PSD3: variants seen among roughly 807,000 people sequenced by gnomAD.
The protein encoded by PSD3 is pleckstrin and Sec7 domain containing 3.
PSD3 carries 49 observed loss-of-function variants against 105.5 expected under a neutral mutation model. The observed-to-expected ratio is 0.46, with a 90% CI of 0.37 to 0.59. The LOEUF is 0.59. Among genes scored for constraint, PSD3 ranks in the 20% least tolerant of loss-of-function variants. The pLI is 0.00. For synonymous variants in PSD3, 557 were observed against 457.8 expected, an observed-to-expected ratio of 1.22 and a Z score of -2.77; for missense variants, 1,561 against 1,263.8, an observed-to-expected ratio of 1.24 and a Z score of -3.57.
intron 14 of PSD3, among the ~76,000 whole-genome samples, chr8:18,563,619 A>G (rs2717722): frequency 0.99 from 151,479 of 152,316 alleles, 75,337 homozygotes; most frequent in Middle Eastern, 1. Flanking sequence ...TAAACACAGT[A>G]TTTAATGAGT....
chr8:18,613,233 T>G (rs1173543769), intron 11 of PSD3, among the ~76,000 whole-genome samples: 4 of 152,044 alleles, frequency 2.6e-5, no homozygotes, highest in Non-Finnish European at 5.9e-5. Context: ...AAAACCAGAC[T>G]GCCGGTCCGG....
At chr8:19,059,558 G>C (rs1267935545) in intron 1 of PSD3, among the ~76,000 whole-genome samples, 1 of 152,102 alleles carries the variant, frequency 6.6e-6, no homozygotes, top group South Asian at 2.1e-4. Flanking sequence ...TACTTTATTG[G>C]GTAACATCAG....
intron 1 of PSD3, among the ~76,000 whole-genome samples, chr8:18,941,425 AC>A (rs199864264): frequency 2.2e-5 from 3 of 139,344 alleles, no homozygotes; most frequent in South Asian, 2.3e-4. Flanking sequence ...ACACTTCACT[AC>A]GGGAGCAGTA....
At chr8:18,655,916 CAAT>C (rs1226805223) in intron 9 of PSD3, among the ~76,000 whole-genome samples, 4 of 152,158 alleles carry the variant, frequency 2.6e-5, no homozygotes, top group Non-Finnish European at 5.9e-5. Flanking sequence ...TGTCTTTTAT[CAAT>C]AAGGCACAGT....
intron 1 of PSD3, among the ~76,000 whole-genome samples, chr8:19,069,969 A>G (rs550653567): frequency 1.3e-5 from 2 of 149,390 alleles, no homozygotes; most frequent in African/African-American, 4.9e-5. Flanking sequence ...TTTTTGAGAC[A>G]GAGTCTTGCT....
rs189674643 is a variant in PSD3, at chr8:18,899,592, T to A, written c.131-26859A>T. On this transcript the variant is annotated intron_variant, in intron 2 of 15. Transcript: ENST00000327040. ...AGAAGCTGAATTAGAGATACTGTGT[T>A]TGGGGGCAAGCAGATGACTTCGATG... Among the ~76,000 whole-genome samples, 65 of 152,076 alleles carry A rather than the reference T, an allele frequency of 4.3e-4. No individual in the cohort carries two copies. The East Asian group carries it at 0.011, about 26-fold the overall frequency.
At chr8:18,616,640 T>TTTTTTTTTTTTTG (rs1805699359) in intron 11 of PSD3, among the ~76,000 whole-genome samples, 1 of 142,592 alleles carries the variant, frequency 7.0e-6, no homozygotes, top group Non-Finnish European at 1.5e-5. Flanking sequence ...TTTTTTTTTT[T>TTTTTTTTTTTTTG]TGAGACGGAG....
chr8:18,876,119 G>GTC, intron 2 of PSD3, among the ~76,000 whole-genome samples: 1 of 152,118 alleles, frequency 6.6e-6, no homozygotes, highest in East Asian at 1.9e-4. Context: ...GAGAGACAGG[G>GTC]TCTCTCTATG....
At chr8:18,594,193 T>TA (rs1165038056) in intron 12 of PSD3, among the ~76,000 whole-genome samples, 6 of 15,990 alleles carry the variant, frequency 3.8e-4, no homozygotes, top group African/African-American at 1.3e-3. Context: ...TATTATTATA[T>TA]ACATATTATA....
intron 1 of PSD3, among the ~76,000 whole-genome samples, chr8:18,978,025 G>A (rs1825038246): frequency 6.6e-6 from 1 of 152,204 alleles, no homozygotes; most frequent in Non-Finnish European, 1.5e-5. Flanking sequence ...ACGCTAGCAA[G>A]GAAAACAGCA....
At chr8:18,604,074 A>AT (rs1421767007) in intron 11 of PSD3, among the ~76,000 whole-genome samples, 24 of 152,196 alleles carry the variant, frequency 1.6e-4, no homozygotes, top group Non-Finnish European at 3.1e-4. Flanking sequence ...TGTGAAAGCT[A>AT]CTTTTGAACT....
At chr8:18,549,324 G>C (rs932616801) in intron 15 of PSD3, among the ~76,000 whole-genome samples, 2 of 152,024 alleles carry the variant, frequency 1.3e-5, no homozygotes, top group Non-Finnish European at 2.9e-5. Context: ...TGGGATTACA[G>C]GCATGTGCCA....
chr8:18,549,713 AT>A (rs1322091706), intron 15 of PSD3, among the ~76,000 whole-genome samples: 3 of 152,230 alleles, frequency 2.0e-5, no homozygotes, highest in African/African-American at 7.2e-5. Flanking sequence ...CTGCTAGAAA[AT>A]TTAAATTCAC....
At chr8:18,914,348 G>A (rs1820445671) in intron 2 of PSD3, among the ~76,000 whole-genome samples, 1 of 152,044 alleles carries the variant, frequency 6.6e-6, no homozygotes, top group Non-Finnish European at 1.5e-5. Context: ...TGTCAGCACA[G>A]TACTAGAACT....
At chr8:19,034,689 G>A (rs1827884828) in intron 1 of PSD3, among the ~76,000 whole-genome samples, 2 of 152,146 alleles carry the variant, frequency 1.3e-5, no homozygotes, top group African/African-American at 4.8e-5. Flanking sequence ...CTTGCAGAAG[G>A]GACAGAGTCT....
At chr8:18,846,063 T>G (rs1815067799) in intron 4 of PSD3, among the ~76,000 whole-genome samples, 1 of 152,176 alleles carries the variant, frequency 6.6e-6, no homozygotes, top group Non-Finnish European at 1.5e-5. Context: ...TAAATGCTTA[T>G]CAATTTGACT....
intron 1 of PSD3, among the ~76,000 whole-genome samples, chr8:19,041,539 A>T (rs1047053249): frequency 6.6e-6 from 1 of 152,248 alleles, no homozygotes; most frequent in Non-Finnish European, 1.5e-5. Context: ...CAAATAGTGC[A>T]AGCAAATGTT....
intron 12 of PSD3, among the ~76,000 whole-genome samples, chr8:18,584,021 G>C (rs771435466): frequency 6.6e-6 from 1 of 152,162 alleles, no homozygotes; most frequent in Non-Finnish European, 1.5e-5. Context: ...CATATTTTAA[G>C]TGTCAATCTG....
chr8:18,532,516 T>C lies in PSD3; in HGVS notation c.*3227A>G, dbSNP rs550058607. On this transcript the variant is annotated 3_prime_UTR_variant, in exon 16 of 16. Transcript: ENST00000327040. Reference sequence around the variant, plus strand: ...TTCTATCCTCTGCATCTAAGAGGAATAAAAAGGTTACACATAATCCAGGGA... The same window carrying C: ...TTCTATCCTCTGCATCTAAGAGGAACAAAAAGGTTACACATAATCCAGGGA... 6.6e-6 allele frequency: 1 copy of C among 152,274 alleles called. No homozygotes were observed. Among genetic ancestry groups the C allele is most frequent in the Admixed American group, 6.5e-5 (1 of 15,294 alleles). 9.4% of individuals were successfully genotyped at this position (152,274 alleles called of 1,614,324 possible). A position where few individuals can be genotyped will look rare whatever the true frequency, so the allele number is the denominator to read the frequency against.
Sources: allele counts gnomAD v4.1 joint callset (sites outside exome capture counted in the v4.1 genomes callset), GRCh38; gene constraint gnomAD v4.1.1; transcripts MANE v1.5; gene names NCBI Gene and HGNC (gene_info 2026-07-23, HGNC 2026-07-21).